AMZ1: variants seen among roughly 807,000 people sequenced by gnomAD.
The protein encoded by AMZ1 is archaelysin family metallopeptidase 1.
AMZ1 carries 39 observed loss-of-function variants against 29.9 expected under a neutral mutation model. The observed-to-expected ratio is 1.30, with a 90% CI of 1.01 to 1.70. The LOEUF is 1.70. Among genes scored for constraint, AMZ1 ranks in the 40% most tolerant of loss-of-function variants. The pLI is 0.00. For missense variants in AMZ1, 1,041 were observed against 680.6 expected (o/e 1.53, Z -5.89); for synonymous variants, 458 against 304.0 (o/e 1.51, Z -5.27).
chr7:2,713,522 G>A lies in AMZ1; in HGVS notation c.*644G>A, dbSNP rs1339464359. 2 of 152,562 alleles carry A rather than the reference G, an allele frequency of 1.3e-5. No individual in the cohort carries two copies. Among genetic ancestry groups the A allele is most frequent in the African/African-American group, 4.8e-5 (2 of 41,448 alleles). The allele number at this position is 152,562 out of a possible 1,614,324, so 9.5% of individuals were successfully genotyped here. A position where few individuals can be genotyped will look rare whatever the true frequency, so the allele number is the denominator to read the frequency against. On this transcript the variant is annotated 3_prime_UTR_variant, in exon 7 of 7. Coordinates refer to ENST00000683327, the MANE Select transcript of AMZ1 (RefSeq NM_001384743.1). ...TGGAGCTGGAGAGGCTGGCTCAGAT[G>A]AGGAGTGACCCCGGGGGCACACAGG... is the stretch of plus-strand genomic sequence containing the variant.
At chr7:2,721,914 T>G (rs556693571), downstream of AMZ1, among the ~76,000 whole-genome samples, 23 of 152,332 alleles carry the variant, frequency 1.5e-4, no homozygotes, top group South Asian at 4.6e-3. Flanking sequence ...TTTTTACACT[T>G]TATCATATCT....
intron 4 of AMZ1, among the ~76,000 whole-genome samples, chr7:2,739,321 GCTTT>G (rs147052542): frequency 0.011 from 1,686 of 152,292 alleles, 34 homozygotes; most frequent in African/African-American, 0.038. Context: ...ACACGAATCT[GCTTT>G]CTGTCTCCAT....
intron 4 of AMZ1, among the ~76,000 whole-genome samples, chr7:2,749,943 G>A (rs1204824974): frequency 2.6e-5 from 4 of 152,162 alleles, no homozygotes; most frequent in African/African-American, 9.7e-5. Flanking sequence ...CAAGTAGTTG[G>A]AATCTCACAG....
chr7:2,725,514 G>A (rs532232478), intron 4 of AMZ1, among the ~76,000 whole-genome samples: 1 of 152,358 alleles, frequency 6.6e-6, no homozygotes, highest in African/African-American at 2.4e-5. Context: ...AGAGGGTTCT[G>A]GAGGGAGAGA....
At chr7:2,700,204 T>G in intron 1 of AMZ1, 30 bp from the exon 2 acceptor site, 1 of 552,740 alleles carries the variant, frequency 1.8e-6, no homozygotes, top group South Asian at 2.4e-5. Context: ...TGCTCGGCAG[T>G]GAGGGGACCC....
chr7:2,741,670 T>TA (rs11434958), intron 4 of AMZ1, among the ~76,000 whole-genome samples: 24,964 of 151,986 alleles, frequency 0.16, 2,135 homozygotes, highest in Non-Finnish European at 0.2. Flanking sequence ...TCATTTGCTT[T>TA]ATCCTTCGCT....
intron 4 of AMZ1, among the ~76,000 whole-genome samples, chr7:2,735,195 G>C (rs567996563): frequency 6.6e-6 from 1 of 152,302 alleles, no homozygotes; most frequent in East Asian, 1.9e-4. Flanking sequence ...CTGGGCCTCG[G>C]GAGGTGCCAC....
At chr7:2,758,762 G>A (rs1212972963) in intron 4 of AMZ1, among the ~76,000 whole-genome samples, 2 of 152,188 alleles carry the variant, frequency 1.3e-5, no homozygotes, top group Admixed American at 6.5e-5. Context: ...GCCCACCTCT[G>A]GTTCAGTGGA....
At chr7:2,736,361 A>T (rs982757142) in intron 4 of AMZ1, among the ~76,000 whole-genome samples, 3 of 152,066 alleles carry the variant, frequency 2.0e-5, no homozygotes, top group African/African-American at 7.2e-5. Context: ...ATTAACACAA[A>T]CTTGGACTTG....
chr7:2,710,957 G>T (rs116779033), intron 6 of AMZ1, among the ~76,000 whole-genome samples: 1 of 152,216 alleles, frequency 6.6e-6, no homozygotes, highest in Non-Finnish European at 1.5e-5. Flanking sequence ...TTGGTCTGCA[G>T]AAAGGGTTGA....
At chr7:2,741,841 G>T (rs1319713431) in intron 4 of AMZ1, among the ~76,000 whole-genome samples, 1 of 150,612 alleles carries the variant, frequency 6.6e-6, no homozygotes, top group Non-Finnish European at 1.5e-5. Context: ...GCAAGGATAA[G>T]AGTATTCATC....
intron 1 of AMZ1, among the ~76,000 whole-genome samples, chr7:2,699,418 G>C (rs865824767): frequency 2.6e-5 from 4 of 152,118 alleles, no homozygotes; most frequent in Non-Finnish European, 5.9e-5. Context: ...ACTTCTCCCT[G>C]TTTCTAGCTG....
intron 4 of AMZ1, among the ~76,000 whole-genome samples, chr7:2,737,269 G>GTTTTTTTTTTTTTTTTTTTTTTTTTTT (rs1317020597): frequency 5.2e-5 from 2 of 38,112 alleles, no homozygotes; most frequent in African/African-American, 9.4e-5. Flanking sequence ...TCACAGTTTT[G>GTTTTTTTTTTTTTTTTTTTTTTTTTTT]TTTTGTTTTT....
At position 2,709,196 on chromosome 7, in the gene AMZ1, G is replaced by T. The variant is rs201597646; in HGVS notation, c.723G>T (p.Arg241Ser). The T allele has an allele frequency of 1.0e-4, 154 of 1,523,850 alleles. No individual in the cohort carries two copies. The highest frequency in any genetic ancestry group is 2.2e-4 in the Admixed American group (10 of 45,350). The allele number at this position is 1,523,850 out of a possible 1,614,324, so 94.4% of individuals were successfully genotyped here. Reference sequence around the variant, plus strand: ...GCCCCGAGGCCCCCCTGCAGGACAGGGGCTGGGCCCTGTGCTTCAGTGCCC... The same window carrying T: ...GCCCCGAGGCCCCCCTGCAGGACAGTGGCTGGGCCCTGTGCTTCAGTGCCC... The part of the protein sequence containing the change: ...ADGPEAPLQD[R>S]GWALCFSALG... The change falls in exon 5 of 7, where the codon AGG becomes AGT. Residue 241 changes from arginine (R) to serine (S), a missense_variant. By Grantham distance (110) the Arg-to-Ser change is moderately radical. Coordinates refer to ENST00000683327, the MANE Select transcript of AMZ1 (RefSeq NM_001384743.1).
In AMZ1 at chr7:2,700,225, C is replaced by T; in HGVS notation, c.-218-9C>T. The T allele has an allele frequency of 3.4e-6, 2 of 587,158 alleles. No homozygotes were observed. The highest frequency in any genetic ancestry group is 2.2e-5 in the South Asian group (1 of 46,046). The allele number at this position is 587,158 out of a possible 1,614,324, so 36.4% of individuals were successfully genotyped here. ...GCAGTGAGGGGACCCCTGTTCGTGT[C>T]ATCCACAGGGTGCTGTGGGCCCAGA... On this transcript the variant is annotated splice_polypyrimidine_tract_variant and intron_variant, in intron 1 of 6. Coordinates refer to ENST00000683327, the MANE Select transcript of AMZ1 (RefSeq NM_001384743.1).
At chr7:2,762,918 G>A (rs1352214428), upstream of AMZ1, 2 of 1,411,788 alleles carry the variant, frequency 1.4e-6, no homozygotes, top group East Asian at 5.5e-5. Flanking sequence ...AGAGGCCACA[G>A]GCGGGGACGC....
Position 2,688,240 on chromosome 7 carries a change from C to T in AMZ1, c.-275C>T, listed in dbSNP as rs941729421. The T allele has an allele frequency of 1.3e-5, 2 of 151,958 alleles. No homozygotes were observed. The highest frequency in any genetic ancestry group is 1.9e-4 in the East Asian group (1 of 5,192). The allele number at this position is 151,958 out of a possible 1,614,324, so 9.4% of individuals were successfully genotyped here. On this transcript the variant is annotated 5_prime_UTR_variant, in exon 1 of 7. Transcript: ENST00000683327. ...CAGGCCGAGCTGCCCACGCTGCTGC[C>T]CGGGGCTCGGTGCCCGGCGCGGCCT... is the stretch of plus-strand genomic sequence containing the variant.
At chr7:2,751,196 C>A (rs183526353) in intron 4 of AMZ1, among the ~76,000 whole-genome samples, 3 of 151,922 alleles carry the variant, frequency 2.0e-5, no homozygotes, top group African/African-American at 7.2e-5. Context: ...AAGACCTGGG[C>A]AACATGGTAA....
intron 4 of AMZ1, among the ~76,000 whole-genome samples, chr7:2,725,023 C>T (rs929603516): frequency 6.6e-6 from 1 of 152,168 alleles, no homozygotes; most frequent in Admixed American, 6.5e-5. Flanking sequence ...TCACCGCACA[C>T]AAACACTAAC....
Sources: allele counts gnomAD v4.1 joint callset (sites outside exome capture counted in the v4.1 genomes callset), GRCh38; gene constraint gnomAD v4.1.1; transcripts MANE v1.5; gene names NCBI Gene and HGNC (gene_info 2026-07-23, HGNC 2026-07-21).